ZNF141: variants seen among roughly 807,000 people sequenced by gnomAD.
The protein encoded by ZNF141 is zinc finger protein 141.
ZNF141 carries 7 observed loss-of-function variants against 11.3 expected under a neutral mutation model. The observed-to-expected ratio is 0.62, with a 90% CI of 0.35 to 1.16. ZNF141 has a LOEUF of 1.16. Among genes scored for constraint, ZNF141 ranks in the 50% most tolerant of loss-of-function variants. The probability of loss-of-function intolerance (pLI) is 0.02; values close to 1 mark genes in which losing one functional copy is unlikely to be tolerated. For missense variants in ZNF141, 535 were observed against 554.0 expected (o/e 0.97, Z 0.34); for synonymous variants, 183 against 190.7 (o/e 0.96, Z 0.33).
Position 356,646 on chromosome 4 carries a change from A to C in ZNF141, c.226+12216A>C, listed in dbSNP as rs530635296. On this transcript the variant is annotated intron_variant, in intron 3 of 3. Coordinates refer to ENST00000240499, the MANE Select transcript of ZNF141 (RefSeq NM_003441.4). Reference sequence around the variant, plus strand: ...CTTAATTTTATCACAATGGCAGTTAAATTTTAACACGAATTTTGAGGGGAC... The same window carrying C: ...CTTAATTTTATCACAATGGCAGTTACATTTTAACACGAATTTTGAGGGGAC... 2.0e-4 allele frequency among the ~76,000 whole-genome samples: 30 copies of C among 152,246 alleles called. 2 individuals carry two copies. Among genetic ancestry groups the C allele is most frequent in the African/African-American group, 7.2e-4 (30 of 41,566 alleles).
chr4:373,609 G>T lies in ZNF141; in HGVS notation c.1172G>T (p.Gly391Val). ...VLNEHKKIHT[G>V]EKPYKCEECG... Reference sequence around the variant, plus strand: ...AATGAACATAAAAAAATTCATACTGGAGAGAAACCCTACAAATGTGAAGAA... The same window carrying T: ...AATGAACATAAAAAAATTCATACTGTAGAGAAACCCTACAAATGTGAAGAA... The change falls in exon 4 of 4, where the codon GGA (glycine) becomes GTA (valine). Residue 391 changes from glycine (G) to valine (V), a missense_variant. Gly to Val is a moderately radical substitution (Grantham distance 109). Transcript: ENST00000240499. The T allele has an allele frequency of 6.2e-7, 1 of 1,614,050 alleles. No individual in the cohort carries two copies.
At chr4:354,185 T>C (rs1242630290) in intron 3 of ZNF141, among the ~76,000 whole-genome samples, 1 of 152,154 alleles carries the variant, frequency 6.6e-6, no homozygotes, top group African/African-American at 2.4e-5. Context: ...CCTGGGTGAA[T>C]ATCTAGAGCA....
Position 348,059 on chromosome 4 carries a change from T to C in ZNF141, c.226+3629T>C, listed in dbSNP as rs529148649. Among the ~76,000 whole-genome samples, 6 of 152,100 alleles carry C rather than the reference T, an allele frequency of 3.9e-5. No individual in the cohort carries two copies. The East Asian group carries it at 1.2e-3, about 30-fold the overall frequency. On this transcript the variant is annotated intron_variant, in intron 3 of 3. Coordinates refer to ENST00000240499, the MANE Select transcript of ZNF141 (RefSeq NM_003441.4). ...CGAGGTTTCACTGTGTTAGCCAAGA[T>C]GGTCTCGATCTCCTGATCTCATGAT...
chr4:369,764 A>ATGTTTT, intron 3 of ZNF141, among the ~76,000 whole-genome samples: 3 of 48,720 alleles, frequency 6.2e-5, no homozygotes, highest in Non-Finnish European at 3.1e-5. Flanking sequence ...ATATATATAT[A>ATGTTTT]TTTTTTTTTT....
intron 3 of ZNF141, among the ~76,000 whole-genome samples, chr4:368,173 ATTTATC>A (rs1711840074): frequency 6.6e-6 from 1 of 152,096 alleles, no homozygotes; most frequent in South Asian, 2.1e-4. Flanking sequence ...TGCCATCAAC[ATTTATC>A]TTTATTATAC....
intron 3 of ZNF141, among the ~76,000 whole-genome samples, chr4:363,051 C>T (rs1711564422): frequency 6.6e-6 from 1 of 152,156 alleles, no homozygotes; most frequent in South Asian, 2.1e-4. Context: ...TCTTTTATTT[C>T]ATTGAGCAGT....
intron 3 of ZNF141, among the ~76,000 whole-genome samples, chr4:349,131 G>C (rs1255228909): frequency 4.6e-5 from 7 of 151,980 alleles, no homozygotes; most frequent in Non-Finnish European, 1.0e-4. Context: ...CTATGGAAAT[G>C]CAAGAAATAT....
chr4:368,390 C>T (rs145529244), intron 3 of ZNF141, among the ~76,000 whole-genome samples: 2,472 of 152,080 alleles, frequency 0.016, 73 homozygotes, highest in African/African-American at 0.056. Flanking sequence ...TACAGACGTG[C>T]ACCACCACAC....
At chr4:365,099 G>T (rs1165394451) in intron 3 of ZNF141, among the ~76,000 whole-genome samples, 6 of 152,214 alleles carry the variant, frequency 3.9e-5, no homozygotes, top group Non-Finnish European at 7.3e-5. Context: ...TGCTGTGCTA[G>T]CAGTGAGCAA....
chr4:346,987 TA>T (rs1368483908), intron 3 of ZNF141, among the ~76,000 whole-genome samples: 5 of 151,546 alleles, frequency 3.3e-5, no homozygotes, highest in African/African-American at 1.2e-4. Flanking sequence ...TTTCCTTTGG[TA>T]GTATGCCCAG....
chr4:361,357 T>TAA (rs1288726514), intron 3 of ZNF141, among the ~76,000 whole-genome samples: 15 of 152,074 alleles, frequency 9.9e-5, no homozygotes, highest in Admixed American at 7.2e-4. Flanking sequence ...TCAGGCTTTG[T>TAA]TTTTGTAAGA....
chr4:343,326 T>A (rs2108683260), intron 1 of ZNF141, among the ~76,000 whole-genome samples: 1 of 152,160 alleles, frequency 6.6e-6, no homozygotes, highest in East Asian at 1.9e-4. Flanking sequence ...TATAGAATAC[T>A]TTAGAGAATA....
rs149637940 is a variant in ZNF141, at chr4:379,658, C to T, written c.*5796C>T. Among the ~76,000 whole-genome samples the T allele has an allele frequency of 6.5e-3, 984 of 152,318 alleles. 9 individuals are homozygous for T. The highest frequency in any genetic ancestry group is 0.027 in the Middle Eastern group (8 of 294). On this transcript the variant is annotated 3_prime_UTR_variant, in exon 4 of 4. Coordinates refer to ENST00000240499, the MANE Select transcript of ZNF141 (RefSeq NM_003441.4). ...AAAGTTCTGGAATTACAGGCGTGAG[C>T]CACTGCGCCCAGCCTCTATGGTTAT...
Position 373,855 on chromosome 4 carries a change from A to G in ZNF141, c.1418A>G (p.His473Arg). The change falls in exon 4 of 4, where the codon CAT becomes CGT. Residue 473 changes from histidine to arginine, a missense_variant. Physicochemically the swap from His to Arg is conservative, Grantham distance 29. Coordinates refer to ENST00000240499, the MANE Select transcript of ZNF141 (RefSeq NM_003441.4). Reference sequence around the variant, plus strand: ...CACCTGAATAAACATAAGAAAATTCATACTTGAGAGAAATCCTACAAATGT... The same window carrying G: ...CACCTGAATAAACATAAGAAAATTCGTACTTGAGAGAAATCCTACAAATGT... ...FSHLNKHKKIHT is the reference protein window; with the variant it reads ...FSHLNKHKKIRT 4 of 1,600,488 alleles carry G rather than the reference A, an allele frequency of 2.5e-6. No homozygotes were observed. Among genetic ancestry groups the G allele is most frequent in the Non-Finnish European group, 2.6e-6 (3 of 1,173,184 alleles).
At chr4:351,395 G>A (rs1553850429) in intron 3 of ZNF141, among the ~76,000 whole-genome samples, 1 of 151,784 alleles carries the variant, frequency 6.6e-6, no homozygotes, top group East Asian at 1.9e-4. Context: ...CACCAAGCCT[G>A]GCTAATTTTT....
intron 3 of ZNF141, among the ~76,000 whole-genome samples, chr4:355,993 G>A (rs547534177): frequency 1.1e-3 from 165 of 152,186 alleles, no homozygotes; most frequent in Middle Eastern, 6.8e-3. Flanking sequence ...GGCACTTTGG[G>A]AGGCTGAGGC....
rs537717831 is a variant in ZNF141 at position 373,988 on chromosome 4, C to G, written c.*126C>G. 1.2e-4 allele frequency: 99 copies of G among 834,948 alleles called. No individual in the cohort carries two copies. In the African/African-American group the frequency reaches 1.6e-3, roughly 13 times the overall value. The allele number at this position is 834,948 out of a possible 1,614,324, so 51.7% of individuals were successfully genotyped here. On this transcript the variant is annotated 3_prime_UTR_variant, in exon 4 of 4. Coordinates refer to ENST00000240499, the MANE Select transcript of ZNF141 (RefSeq NM_003441.4). ...TGAAGAACGTGGCAAAGTTCTTTAC[C>G]TCATTCTCAAACCTTGATAAACATA...
intron 3 of ZNF141, among the ~76,000 whole-genome samples, chr4:351,929 G>A (rs1721623288): frequency 6.6e-6 from 1 of 152,140 alleles, no homozygotes. Flanking sequence ...TCATGGGGCT[G>A]TTTCTACATA....
chr4:359,101 A>G (rs56171831), intron 3 of ZNF141, among the ~76,000 whole-genome samples: 26,894 of 152,074 alleles, frequency 0.18, 2,974 homozygotes, highest in Non-Finnish European at 0.23. Flanking sequence ...AATATCTTCT[A>G]TTGGTTTTCT....
Sources: gnomAD v4.1 joint callset for allele counts (sites outside exome capture counted in the v4.1 genomes callset) on GRCh38, gnomAD v4.1.1 for gene constraint, MANE v1.5 for transcripts, NCBI Gene and HGNC (gene_info 2026-07-23, HGNC 2026-07-21) for gene names.